PCDH11X: variants seen among roughly 807,000 people sequenced by gnomAD.
PCDH11X encodes protocadherin-11 X-linked.
A neutral mutation model predicts 53.3 loss-of-function variants in PCDH11X; 18 were observed. The observed-to-expected ratio is 0.34, with a 90% CI of 0.23 to 0.50. The LOEUF (loss-of-function observed/expected upper bound fraction) is 0.50. Ranked by LOEUF, PCDH11X falls within the 20% of genes least tolerant of loss-of-function variation. The probability of loss-of-function intolerance (pLI) is 0.98; values close to 1 mark genes in which losing one functional copy is unlikely to be tolerated. For synonymous variants in PCDH11X, 279 were observed against 393.3 expected, an observed-to-expected ratio of 0.71 and a Z score of 3.44; for missense variants, 570 against 1,032.4, an observed-to-expected ratio of 0.55 and a Z score of 6.14.
At chrX:92,333,137 C>A (rs2069533570) in intron 8 of PCDH11X, among the ~76,000 whole-genome samples, 2 of 108,332 alleles carry the variant, frequency 1.8e-5, no homozygotes, top group Non-Finnish European at 3.8e-5. Flanking sequence ...CATGAAGTGA[C>A]AATAAGAACT....
intron 8 of PCDH11X, among the ~76,000 whole-genome samples, chrX:92,339,046 G>C (rs1478175640): frequency 9.0e-6 from 1 of 111,454 alleles, no homozygotes. Context: ...AATGAAAACA[G>C]CATGATACCC....
intron 7 of PCDH11X, among the ~76,000 whole-genome samples, chrX:92,217,211 T>A (rs2066738928): frequency 1.8e-5 from 2 of 110,627 alleles, no homozygotes; most frequent in Admixed American, 9.6e-5. Context: ...AATATTAACT[T>A]TAAATGTAAA....
intron 6 of PCDH11X, among the ~76,000 whole-genome samples, chrX:92,097,428 T>C (rs1222464711): frequency 8.5e-5 from 9 of 106,407 alleles, no homozygotes; most frequent in Admixed American, 6.3e-4. Flanking sequence ...AAAAAAAAAA[T>C]TGAAAAAGTT....
rs10591250 is a variant in PCDH11X at position 92,096,438 on chromosome X, A to ATGTGTGTG, written c.3034-104907_3034-104900dup. ...GGGGCCCTAAGTGGAGTGTATGTGTATGTGTGTGTGTGTGTGTGTGTGTGT... is the reference window on the plus strand; with the variant it reads ...GGGGCCCTAAGTGGAGTGTATGTGTATGTGTGTGTGTGTGTGTGTGTGTGTGTGTGTGT... On this transcript the variant is annotated intron_variant, in intron 6 of 10. Transcript: ENST00000682573. Among the ~76,000 whole-genome samples, 208 of 94,401 alleles carry ATGTGTGTG rather than the reference A, an allele frequency of 2.2e-3. 1 individual carries two copies. Among genetic ancestry groups the ATGTGTGTG allele is most frequent in the East Asian group, 7.9e-3 (23 of 2,901 alleles). 82.0% of individuals were successfully genotyped at this position (94,401 alleles called of 115,157 possible).
chrX:92,196,195 T>C (rs2066289273), intron 6 of PCDH11X, among the ~76,000 whole-genome samples: 1 of 111,913 alleles, frequency 8.9e-6, no homozygotes, highest in African/African-American at 3.2e-5. Flanking sequence ...CCAACCTTTC[T>C]CCTTGTCTCC....
At chrX:92,325,197 G>A (rs1424538770) in intron 8 of PCDH11X, among the ~76,000 whole-genome samples, 1 of 110,345 alleles carries the variant, frequency 9.1e-6, no homozygotes, top group African/African-American at 3.3e-5. Context: ...GACATATTTG[G>A]AGATGGTCTT....
intron 6 of PCDH11X, among the ~76,000 whole-genome samples, chrX:91,993,965 GTTT>G (rs997647986): frequency 2.3e-5 from 2 of 88,683 alleles, no homozygotes; most frequent in African/African-American, 8.4e-5. Context: ...ACAGTGCTTG[GTTT>G]TTTTTAAGTT....
At chrX:92,484,148 TATGTATA>T (rs2073574186) in intron 10 of PCDH11X, among the ~76,000 whole-genome samples, 1 of 37,310 alleles carries the variant, frequency 2.7e-5, no homozygotes, top group African/African-American at 9.4e-5. Flanking sequence ...TATGTATATA[TATGTATA>T]TATGTATATA....
At chrX:92,491,290 G>A (rs180742533) in intron 10 of PCDH11X, among the ~76,000 whole-genome samples, 265 of 110,790 alleles carry the variant, frequency 2.4e-3, no homozygotes, top group African/African-American at 8.2e-3. Context: ...AAGGTCCCTC[G>A]TAAAATTATG....
intron 6 of PCDH11X, among the ~76,000 whole-genome samples, chrX:91,900,136 T>C (rs1940899876): frequency 9.0e-6 from 1 of 110,620 alleles, no homozygotes; most frequent in Admixed American, 9.7e-5. Flanking sequence ...CCTACCTCCA[T>C]TGTGGAGTAG....
intron 8 of PCDH11X, among the ~76,000 whole-genome samples, chrX:92,274,563 G>A (rs759070759): frequency 9.0e-6 from 1 of 111,370 alleles, no homozygotes; most frequent in Non-Finnish European, 1.9e-5. Flanking sequence ...TCTGACTCCG[G>A]ACATGTTGAG....
chrX:92,394,468 G>T (rs1169811977), intron 9 of PCDH11X, among the ~76,000 whole-genome samples: 1 of 110,430 alleles, frequency 9.1e-6, no homozygotes, highest in Non-Finnish European at 1.9e-5. Flanking sequence ...AGAATAGGTG[G>T]CCTTCTCTTC....
At chrX:91,968,973 G>A (rs1340991088) in intron 6 of PCDH11X, among the ~76,000 whole-genome samples, 1 of 111,154 alleles carries the variant, frequency 9.0e-6, no homozygotes, top group East Asian at 2.8e-4. Flanking sequence ...CTTACTTTTA[G>A]CAATGAAGTT....
At chrX:91,812,862 C>T (rs1387755650) in intron 4 of PCDH11X, among the ~76,000 whole-genome samples, 2 of 111,771 alleles carry the variant, frequency 1.8e-5, no homozygotes, top group Non-Finnish European at 3.8e-5. Flanking sequence ...GAATATAACT[C>T]ATCACATTAT....
intron 5 of PCDH11X, among the ~76,000 whole-genome samples, chrX:91,838,428 A>G (rs1317539117): frequency 1.8e-5 from 2 of 111,535 alleles, no homozygotes; most frequent in Non-Finnish European, 3.8e-5. Flanking sequence ...GTGGACAAAT[A>G]CTGTTTTGAC....
At chrX:92,434,458 A>G (rs1339853132) in intron 9 of PCDH11X, among the ~76,000 whole-genome samples, 1 of 110,498 alleles carries the variant, frequency 9.0e-6, no homozygotes, top group Non-Finnish European at 1.9e-5. Context: ...TTTATAGGGT[A>G]AAGAAGAAGA....
At chrX:92,452,496 TA>T (rs1458141074) in intron 9 of PCDH11X, among the ~76,000 whole-genome samples, 14 of 46,270 alleles carry the variant, frequency 3.0e-4, no homozygotes, top group African/African-American at 2.2e-3. Context: ...TATATATATA[TA>T]TGTTTTTTTT....
intron 6 of PCDH11X, among the ~76,000 whole-genome samples, chrX:92,174,699 A>G (rs776071348): frequency 1.4e-3 from 158 of 111,915 alleles, no homozygotes; most frequent in African/African-American, 5.0e-3. Flanking sequence ...ATTACAATGT[A>G]CAAGTCTCCA....
At chrX:92,491,316 G>A (rs2073761106) in intron 10 of PCDH11X, among the ~76,000 whole-genome samples, 1 of 111,075 alleles carries the variant, frequency 9.0e-6, no homozygotes, top group African/African-American at 3.3e-5. Flanking sequence ...GTGAAATTGA[G>A]CAAGTATAGT....
Sources: gnomAD v4.1 joint callset for allele counts (sites outside exome capture counted in the v4.1 genomes callset) on GRCh38, gnomAD v4.1.1 for gene constraint, MANE v1.5 for transcripts, NCBI Gene and HGNC (gene_info 2026-07-23, HGNC 2026-07-21) for gene names.